ATRNL1: variants seen among roughly 807,000 people sequenced by gnomAD.
The protein encoded by ATRNL1 is attractin like 1, also known as attractin-like protein 1.
A neutral mutation model predicts 182.7 loss-of-function variants in ATRNL1; 95 were observed. The observed-to-expected ratio is 0.52, with a 90% CI of 0.44 to 0.62. The LOEUF (loss-of-function observed/expected upper bound fraction) is 0.62, where lower values mean the gene tolerates loss of function less well. Among genes scored for constraint, ATRNL1 ranks in the 20% least tolerant of loss-of-function variants. ATRNL1 has a pLI of 0.00. For synonymous variants in ATRNL1, 576 were observed against 568.3 expected, an observed-to-expected ratio of 1.01 and a Z score of -0.19; for missense variants, 1,471 against 1,679.5, an observed-to-expected ratio of 0.88 and a Z score of 2.17.
chr10:115,199,926 C>G (rs1448274477), intron 8 of ATRNL1, among the ~76,000 whole-genome samples: 1 of 152,076 alleles, frequency 6.6e-6, no homozygotes, highest in East Asian at 1.9e-4. Flanking sequence ...GACAGGTGAA[C>G]AGTTACATTA....
chr10:115,898,665 T>G (rs1317706088), intron 28 of ATRNL1, among the ~76,000 whole-genome samples: 2 of 152,162 alleles, frequency 1.3e-5, no homozygotes, highest in African/African-American at 4.8e-5. Flanking sequence ...TGTTCCACAC[T>G]CTGCATCTGT....
At chr10:115,530,116 C>T (rs1358969312) in intron 25 of ATRNL1, among the ~76,000 whole-genome samples, 3 of 141,954 alleles carry the variant, frequency 2.1e-5, no homozygotes, top group Non-Finnish European at 3.2e-5. Flanking sequence ...CATTTTATTT[C>T]TCTATTAGTT....
chr10:115,846,320 A>T (rs1208312445), intron 27 of ATRNL1, among the ~76,000 whole-genome samples: 2 of 152,086 alleles, frequency 1.3e-5, no homozygotes, highest in Non-Finnish European at 2.9e-5. Flanking sequence ...AACCACATAA[A>T]ACCATTGTCA....
chr10:115,465,846 T>C (rs1306460946), intron 22 of ATRNL1, among the ~76,000 whole-genome samples: 3 of 151,618 alleles, frequency 2.0e-5, no homozygotes, highest in Non-Finnish European at 3.0e-5. Flanking sequence ...TACATGCTCT[T>C]TCAAGATGAT....
rs1049341241 is a variant in ATRNL1 at position 115,143,515 on chromosome 10, A to G, written c.829+13980A>G. ...TTAGCTCAGGCTGCTATAACAAAAT[A>G]CCACAGATTAGGTCGCTTAAACAAT... On this transcript the variant is annotated intron_variant, in intron 5 of 28. Coordinates refer to ENST00000355044, the MANE Select transcript of ATRNL1 (RefSeq NM_207303.4). Among the ~76,000 whole-genome samples the G allele has an allele frequency of 2.0e-5, 3 of 152,230 alleles. No individual in the cohort carries two copies. In the East Asian group the frequency reaches 5.8e-4, roughly 29 times the overall value.
intron 27 of ATRNL1, among the ~76,000 whole-genome samples, chr10:115,842,777 A>T (rs1298964900): frequency 6.6e-6 from 1 of 152,104 alleles, no homozygotes; most frequent in African/African-American, 2.4e-5. Context: ...CTAGAATCAG[A>T]GTTCCAGTCC....
intron 15 of ATRNL1, among the ~76,000 whole-genome samples, chr10:115,294,395 A>T (rs1304013913): frequency 6.6e-6 from 1 of 152,168 alleles, no homozygotes; most frequent in Non-Finnish European, 1.5e-5. Flanking sequence ...TTGCATTTTT[A>T]AAGTTTTATT....
At position 115,534,652 on chromosome 10, in the gene ATRNL1, G is replaced by A. The variant is rs573167124; in HGVS notation, c.3717-14806G>A. On this transcript the variant is annotated intron_variant, in intron 25 of 28. Transcript: ENST00000355044. ...GTGTGAATTTGATCCTGTCATTATG[G>A]TGTTAGCTGGTTATTTTGCTGGTTA... Among the ~76,000 whole-genome samples, 23 of 152,044 alleles carry A rather than the reference G, an allele frequency of 1.5e-4. No individual in the cohort carries two copies. The East Asian group carries it at 4.1e-3, about 27-fold the overall frequency.
At chr10:115,624,568 A>G (rs531115674) in intron 26 of ATRNL1, among the ~76,000 whole-genome samples, 1 of 152,272 alleles carries the variant, frequency 6.6e-6, no homozygotes, top group South Asian at 2.1e-4. Context: ...GCCAATTTGT[A>G]GGAGCCTATT....
At chr10:115,874,380 C>G (rs1555106747) in intron 28 of ATRNL1, among the ~76,000 whole-genome samples, 1 of 152,196 alleles carries the variant, frequency 6.6e-6, no homozygotes, top group South Asian at 2.1e-4. Context: ...AATCAGGTCC[C>G]TGCCTTGTCT....
intron 26 of ATRNL1, among the ~76,000 whole-genome samples, chr10:115,658,673 G>T (rs544824202): frequency 1.3e-5 from 2 of 152,186 alleles, no homozygotes; most frequent in South Asian, 4.1e-4. Context: ...ACACTAGTGA[G>T]GTAAAGGTAT....
intron 10 of ATRNL1, among the ~76,000 whole-genome samples, chr10:115,250,509 C>T (rs1850830236): frequency 6.6e-6 from 1 of 152,168 alleles, no homozygotes; most frequent in Non-Finnish European, 1.5e-5. Context: ...ACTTCACTGA[C>T]AGCAGAGCTA....
intron 21 of ATRNL1, among the ~76,000 whole-genome samples, chr10:115,435,123 G>A (rs1385269079): frequency 2.0e-5 from 3 of 149,846 alleles, no homozygotes; most frequent in East Asian, 4.0e-4. Flanking sequence ...CTGGGTTCAT[G>A]CCATTCTCCT....
chr10:115,469,563 A>C (rs146229457), intron 24 of ATRNL1, among the ~76,000 whole-genome samples: 1 of 150,780 alleles, frequency 6.6e-6, no homozygotes, highest in South Asian at 2.1e-4. Flanking sequence ...TTATGTACTA[A>C]GCAATGTAGC....
intron 27 of ATRNL1, among the ~76,000 whole-genome samples, chr10:115,777,693 C>CTAGA (rs1949161446): frequency 6.6e-6 from 1 of 152,142 alleles, no homozygotes; most frequent in Admixed American, 6.5e-5. Flanking sequence ...TGGCCCTGTG[C>CTAGA]TAGATGCTGT....
At chr10:115,574,592 T>A (rs948227628) in intron 26 of ATRNL1, among the ~76,000 whole-genome samples, 3 of 152,194 alleles carry the variant, frequency 2.0e-5, no homozygotes, top group Non-Finnish European at 4.4e-5. Context: ...TGAAATTCCT[T>A]GCTAAATGTG....
chr10:115,857,387 C>A (rs1555102392), intron 28 of ATRNL1, among the ~76,000 whole-genome samples: 3 of 152,126 alleles, frequency 2.0e-5, no homozygotes. Flanking sequence ...AAAAATGAAC[C>A]ATGGATATTA....
At chr10:115,124,365 C>T (rs1844872038) in intron 3 of ATRNL1, among the ~76,000 whole-genome samples, 1 of 152,100 alleles carries the variant, frequency 6.6e-6, no homozygotes, top group African/African-American at 2.4e-5. Flanking sequence ...AAATCAGAGC[C>T]AGCCAAATAA....
intron 26 of ATRNL1, among the ~76,000 whole-genome samples, chr10:115,669,313 A>G (rs1259982356): frequency 1.3e-5 from 2 of 152,142 alleles, no homozygotes; most frequent in East Asian, 1.9e-4. Flanking sequence ...AATGGGATAT[A>G]GCAGATACAA....
Sources: allele counts gnomAD v4.1 joint callset (sites outside exome capture counted in the v4.1 genomes callset), GRCh38; gene constraint gnomAD v4.1.1; transcripts MANE v1.5; gene names NCBI Gene and HGNC (gene_info 2026-07-23, HGNC 2026-07-21).